ISLR2: variants seen among roughly 807,000 people sequenced by gnomAD.
ISLR2 encodes immunoglobulin superfamily containing leucine rich repeat 2.
ISLR2 carries 16 observed loss-of-function variants against 25.5 expected under a neutral mutation model. The observed-to-expected ratio is 0.63, with a 90% CI of 0.43 to 0.95. The LOEUF is 0.95. ISLR2 is among the 40% of genes least tolerant of loss of function. The probability of loss-of-function intolerance (pLI) is 0.00; values close to 1 mark genes in which losing one functional copy is unlikely to be tolerated. For synonymous variants in ISLR2, 508 were observed against 486.6 expected, an observed-to-expected ratio of 1.04 and a Z score of -0.58; for missense variants, 883 against 1,030.7, an observed-to-expected ratio of 0.86 and a Z score of 1.96.
chr15:74,134,584 C>A lies in ISLR2; in HGVS notation c.1830C>A (p.Gly610=). The A allele has an allele frequency of 6.2e-7, 1 of 1,614,178 alleles. No homozygotes were observed. ...LLVLATVPLL[G]AACCHLLAKH... ...TGCTGGCCACAGTGCCCCTTCTGGG[C>A]GCCGCCTGCTGCCATCTGCTGGCTA... Residue 610 remains glycine, a synonymous_variant, in exon 3 of 3, where the codon GGC becomes GGA. Transcript: ENST00000453268.
intron 2 of ISLR2, among the ~76,000 whole-genome samples, chr15:74,114,506 C>T (rs1382706238): frequency 6.6e-6 from 1 of 151,820 alleles, no homozygotes; most frequent in Admixed American, 6.6e-5. Context: ...ACCTGTAATC[C>T]CAGCACTTTG....
chr15:74,100,863 T>C (rs560755202), intron 1 of ISLR2, among the ~76,000 whole-genome samples: 1 of 151,410 alleles, frequency 6.6e-6, no homozygotes, highest in African/African-American at 2.5e-5. Flanking sequence ...CTAGATCTTA[T>C]CTTAATTTTT....
chr15:74,120,583 G>T lies in ISLR2; in HGVS notation n.229-10624G>T, dbSNP rs150763968. 3.4e-3 allele frequency among the ~76,000 whole-genome samples: 513 copies of T among 152,044 alleles called. 4 individuals carry two copies. Among genetic ancestry groups the T allele is most frequent in the African/African-American group, 0.011 (448 of 41,476 alleles). On this transcript the variant is annotated intron_variant and non_coding_transcript_variant, in intron 2 of 3. Transcript: ENST00000561975. ...GGGAGGCAGAGGGTAGGTGAGGGGG[G>T]TGTGGCTGGGTTTACGGTGGTGCAC...
chr15:74,108,088 A>G (rs1448534899), intron 2 of ISLR2, among the ~76,000 whole-genome samples: 1 of 152,132 alleles, frequency 6.6e-6, no homozygotes, highest in Non-Finnish European at 1.5e-5. Context: ...GGTTTCACTG[A>G]TGAGGCTCAG....
chr15:74,109,933 C>T (rs528035389), intron 2 of ISLR2, among the ~76,000 whole-genome samples: 1 of 152,256 alleles, frequency 6.6e-6, no homozygotes, highest in African/African-American at 2.4e-5. Context: ...TAGCTGAAAC[C>T]ATAGACGCAT....
At chr15:74,122,481 G>A (rs994144866) in intron 2 of ISLR2, among the ~76,000 whole-genome samples, 2 of 152,232 alleles carry the variant, frequency 1.3e-5, no homozygotes, top group African/African-American at 4.8e-5. Flanking sequence ...GGACAAACAG[G>A]ATTCATTTTC....
At position 74,133,717 on chromosome 15, in the gene ISLR2, C is replaced by G. The variant is rs773473284; in HGVS notation, c.963C>G (p.Pro321=). Residue 321 remains proline, a synonymous_variant, in exon 3 of 3, where the codon CCC becomes CCG. Coordinates refer to ENST00000453268, the MANE Select transcript of ISLR2 (RefSeq NM_020851.3). ...AAGCCCAAACGCCGACTCCAGCACCCGCTTGGCCGGCGCCCCCAGCCACAC... is the reference window on the plus strand; with the variant it reads ...AAGCCCAAACGCCGACTCCAGCACCGGCTTGGCCGGCGCCCCCAGCCACAC... ...QTQAQTPTPA[P]AWPAPPATPR... 12 of 1,608,930 alleles carry G rather than the reference C, an allele frequency of 7.5e-6. No homozygotes were observed. The highest frequency in any genetic ancestry group is 1.1e-5 in the South Asian group (1 of 90,368).
At chr15:74,118,732 A>C (rs950708934) in intron 2 of ISLR2, among the ~76,000 whole-genome samples, 17 of 151,902 alleles carry the variant, frequency 1.1e-4, no homozygotes, top group African/African-American at 4.1e-4. Context: ...ATCTTGGCTC[A>C]CTGCAAGCTC....
At chr15:74,118,035 T>G (rs1030311836) in intron 2 of ISLR2, among the ~76,000 whole-genome samples, 4 of 152,232 alleles carry the variant, frequency 2.6e-5, no homozygotes, top group Admixed American at 2.6e-4. Flanking sequence ...TAATGAACTG[T>G]TGGGGGAAAT....
upstream of ISLR2, chr15:74,129,841 A>C (rs1475322398): frequency 6.6e-6 from 1 of 152,134 alleles, no homozygotes; most frequent in Non-Finnish European, 1.5e-5. This position sits in a 1 kb window ranked among gnomAD's most constrained non-coding sequence, Gnocchi z 4.5. Context: ...ATATGGGAGA[A>C]ATGCTCGGGC....
At chr15:74,128,914 G>T, upstream of ISLR2, 1 of 377,944 alleles carries the variant, frequency 2.6e-6, no homozygotes, top group South Asian at 1.8e-5. Context: ...TGGCCCCGCC[G>T]TCTGCCTCCT....
At position 74,134,341 on chromosome 15, in the gene ISLR2, A is replaced by T; in HGVS notation, c.1587A>T (p.Leu529=). 1 of 1,581,000 alleles carries T rather than the reference A, an allele frequency of 6.3e-7. No homozygotes were observed. The change falls in exon 3 of 3, where the codon CTA becomes CTT. Residue 529 remains leucine (L), a synonymous_variant. Transcript: ENST00000453268. ...GACCCGGGCGGCGACCCCTGCGCCT[A>T]CTCTATCTGTGTCCAGCGGGGGGCG... ...APRPGRRPLR[L]LYLCPAGGGA...
intron 2 of ISLR2, among the ~76,000 whole-genome samples, chr15:74,122,179 A>G (rs1595940669): frequency 6.6e-6 from 1 of 152,168 alleles, no homozygotes. Flanking sequence ...CCCATTCCCA[A>G]CTGCTCTGTG....
chr15:74,139,688 G>A (rs1024814554), downstream of ISLR2, among the ~76,000 whole-genome samples: 1 of 152,202 alleles, frequency 6.6e-6, no homozygotes, highest in Non-Finnish European at 1.5e-5. Context: ...CAGGTGTGGA[G>A]GTGTAATCTT....
intron 2 of ISLR2, among the ~76,000 whole-genome samples, chr15:74,105,736 AGCCTGCGTC>A (rs2072114485): frequency 6.6e-6 from 1 of 152,100 alleles, no homozygotes; most frequent in African/African-American, 2.4e-5. Context: ...GAATGTGCAA[AGCCTGCGTC>A]CCAGAATCAC....
intron 2 of ISLR2, among the ~76,000 whole-genome samples, chr15:74,121,959 G>A (rs926732178): frequency 3.9e-5 from 6 of 152,184 alleles, no homozygotes; most frequent in Admixed American, 6.5e-5. Context: ...TCTAGTGCCC[G>A]TGGGCAATGG....
intron 1 of ISLR2, among the ~76,000 whole-genome samples, chr15:74,103,256 T>G (rs1474853223): frequency 2.7e-5 from 4 of 149,434 alleles, no homozygotes; most frequent in South Asian, 4.3e-4. Flanking sequence ...AGAAAATATC[T>G]TATACGTATT....
intron 2 of ISLR2, among the ~76,000 whole-genome samples, chr15:74,114,010 G>A (rs2072190902): frequency 6.6e-6 from 1 of 152,176 alleles, no homozygotes; most frequent in Non-Finnish European, 1.5e-5. Flanking sequence ...CTGATACTCT[G>A]CCACACACAT....
upstream of ISLR2, chr15:74,126,940 GTGTGTGTGTGTGTC>G (rs1228338360): frequency 2.2e-4 from 31 of 142,772 alleles, no homozygotes; most frequent in African/African-American, 7.6e-4. Flanking sequence ...GTGTGTGTGT[GTGTGTGTGTGTGTC>G]TGTGCGCGCA....
Sources: allele counts gnomAD v4.1 joint callset (sites outside exome capture counted in the v4.1 genomes callset), GRCh38; gene constraint gnomAD v4.1.1; non-coding constraint Gnocchi (gnomAD v3.1); transcripts MANE v1.5; gene names NCBI Gene and HGNC (gene_info 2026-07-23, HGNC 2026-07-21).